Variants in SYTL2 observed in about 807,000 individuals in gnomAD.
SYTL2 encodes the protein synaptotagmin-like protein 2.
Under a neutral mutation model 198.7 loss-of-function variants are expected in SYTL2, and 165 were observed. The ratio of observed to expected loss-of-function variants is 0.83; its 90% CI spans 0.73 to 0.94. The LOEUF is 0.94. Ranked by LOEUF, SYTL2 falls within the 40% of genes least tolerant of loss-of-function variation. The probability of loss-of-function intolerance (pLI) is 0.00; values close to 1 mark genes in which losing one functional copy is unlikely to be tolerated. For synonymous variants in SYTL2, 966 were observed against 917.7 expected (o/e 1.05, Z -0.95); for missense variants, 2,835 against 2,582.8 (o/e 1.10, Z -2.12).
chr11:85,771,937 C>G (rs1022772407), intron 1 of SYTL2, among the ~76,000 whole-genome samples: 11 of 152,076 alleles, frequency 7.2e-5, no homozygotes, highest in Non-Finnish European at 1.0e-4. Context: ...GGATCTTGCT[C>G]TATCACCCAG....
chr11:85,790,716 T>C (rs2092715916), intron 1 of SYTL2, among the ~76,000 whole-genome samples: 1 of 152,188 alleles, frequency 6.6e-6, no homozygotes, highest in Non-Finnish European at 1.5e-5. Flanking sequence ...TCAGGATAAC[T>C]GGGATGTGCC....
chr11:85,727,158 TTCTC>T lies in SYTL2; in HGVS notation c.2196_2199del (p.Lys734AlafsTer3), dbSNP rs753826558. ...ATATAGGTATTTCCTACTTTGCTCTTTCTCTCTGCATTCATGTTATCTTTCAAAC... is the reference window on the plus strand; with the variant it reads ...ATATAGGTATTTCCTACTTTGCTCTTTCTGCATTCATGTTATCTTTCAAAC... On this transcript the variant is annotated frameshift_variant, in exon 8 of 20. Coordinates refer to ENST00000359152, the MANE Select transcript of SYTL2 (RefSeq NM_206927.4). LOFTEE classifies it high-confidence loss of function. 2.7e-5 allele frequency: 41 copies of T among 1,536,470 alleles called. No homozygotes were observed. The South Asian group carries it at 4.6e-4, about 17-fold the overall frequency.
the SYTL2 span, among the ~76,000 whole-genome samples, chr11:85,826,951 C>T: frequency 6.6e-6 from 1 of 152,334 alleles, no homozygotes; most frequent in Non-Finnish European, 1.5e-5. Flanking sequence ...CCTTTGCTCA[C>T]ACCATAACCC....
At chr11:85,751,232 A>T (rs1486118545) in intron 2 of SYTL2, among the ~76,000 whole-genome samples, 4 of 152,196 alleles carry the variant, frequency 2.6e-5, no homozygotes, top group African/African-American at 9.7e-5. Flanking sequence ...TTTAATAATC[A>T]ACTTCTTTTT....
At position 85,705,027 on chromosome 11, in the gene SYTL2, T is replaced by C. The variant is rs1006729097; in HGVS notation, c.6020A>G (p.Tyr2007Cys). Reference protein sequence around the residue: ...LNPVYNEILRYKIEKQILKTQ... With the variant: ...LNPVYNEILRCKIEKQILKTQ... ...CTTTAAGATTTGTTTTTCAATTTTA[T>C]ACTGAAGTTCAAAGAAGAAAATTAA... Residue 2007 changes from tyrosine (Y) to cysteine (C), a missense_variant and splice_region_variant, in exon 16 of 20, where the codon TAT becomes TGT. Tyr to Cys is a radical substitution (Grantham distance 194). Coordinates refer to ENST00000359152, the MANE Select transcript of SYTL2 (RefSeq NM_206927.4). 1 of 1,607,088 alleles carries C rather than the reference T, an allele frequency of 6.2e-7. No individual in the cohort carries two copies. Among genetic ancestry groups the C allele is most frequent in the African/African-American group, 1.3e-5 (1 of 74,860 alleles).
At chr11:85,833,243 T>C in the SYTL2 span, among the ~76,000 whole-genome samples, 1 of 149,376 alleles carries the variant, frequency 6.7e-6, no homozygotes, top group Non-Finnish European at 1.5e-5. Flanking sequence ...ATATAACATA[T>C]TGGGCATCTA....
At chr11:85,811,699 G>A (rs955498690), upstream of SYTL2, among the ~76,000 whole-genome samples, 1 of 152,222 alleles carries the variant, frequency 6.6e-6, no homozygotes, top group Non-Finnish European at 1.5e-5. Context: ...CTAGAGAAAG[G>A]TGAGGGCGTC....
At chr11:85,813,813 C>T (rs1258968263), upstream of SYTL2, among the ~76,000 whole-genome samples, 1 of 151,776 alleles carries the variant, frequency 6.6e-6, no homozygotes. Context: ...GCCTCAACCT[C>T]CCAGGCTCAA....
At position 85,757,740 on chromosome 11, in the gene SYTL2, G is replaced by C. The variant is rs1336279961; in HGVS notation, c.-15C>G. 3.7e-6 allele frequency: 6 copies of C among 1,609,822 alleles called. No homozygotes were observed. The highest frequency in any genetic ancestry group is 5.1e-6 in the Non-Finnish European group (6 of 1,179,764). ...AAGTCAATCATTTTGAAAAGTGCAT[G>C]CAAAAATAATAGCAACAAATGTGGC... On this transcript the variant is annotated 5_prime_UTR_variant, in exon 2 of 20. Transcript: ENST00000359152.
At chr11:85,842,761 T>C in the SYTL2 span, among the ~76,000 whole-genome samples, 1 of 152,126 alleles carries the variant, frequency 6.6e-6, no homozygotes, top group East Asian at 1.9e-4. Context: ...TTTATGGTCT[T>C]AAACAAGGGA....
the SYTL2 span, among the ~76,000 whole-genome samples, chr11:85,851,031 T>C: frequency 1.5e-5 from 1 of 67,876 alleles, no homozygotes; most frequent in South Asian, 6.3e-4. Flanking sequence ...TGTGGTGGGG[T>C]GGGGGGAGGG....
chr11:85,813,728 C>A (rs1045121627), upstream of SYTL2, among the ~76,000 whole-genome samples: 2 of 141,970 alleles, frequency 1.4e-5, no homozygotes, highest in Non-Finnish European at 3.1e-5. Context: ...TCCTTCCTTC[C>A]TTCCTTCCTT....
chr11:85,698,660 TC>T (rs1321313708), intron 17 of SYTL2, among the ~76,000 whole-genome samples: 3 of 152,172 alleles, frequency 2.0e-5, no homozygotes, highest in African/African-American at 7.2e-5. Context: ...ACCTCAGCCC[TC>T]CCAGAGGAGC....
Position 85,724,111 on chromosome 11 carries a change from T to C in SYTL2, c.5247A>G (p.Glu1749=). 6.3e-7 allele frequency: 1 copy of C among 1,586,802 alleles called. No individual in the cohort carries two copies. The highest frequency in any genetic ancestry group is 8.5e-7 in the Non-Finnish European group (1 of 1,172,872). ...ASPYMKQEKE[E]EKEGFSESDF... is the part of the protein sequence containing the mutation. The stretch of plus-strand genomic sequence containing the variant: ...CAGACTCAGAGAAACCTTCTTTTTC[T>C]TCCTCTTTCTCTTGTTTCATATATG... Residue 1749 remains glutamate, a synonymous_variant, in exon 8 of 20, where the codon GAA becomes GAG. Transcript: ENST00000359152.
intron 1 of SYTL2, among the ~76,000 whole-genome samples, chr11:85,767,011 T>A (rs1459420589): frequency 6.6e-6 from 1 of 152,248 alleles, no homozygotes; most frequent in Non-Finnish European, 1.5e-5. Flanking sequence ...TGAACCAAAC[T>A]CTTCAAAGCT....
In SYTL2 at chr11:85,726,950, T is replaced by A. The variant is rs1420390285; in HGVS notation, c.2408A>T (p.Lys803Ile). The A allele has an allele frequency of 2.6e-6, 4 of 1,536,694 alleles. No individual in the cohort carries two copies. In the Admixed American group the frequency reaches 7.8e-5, roughly 30 times the overall value. The stretch of plus-strand genomic sequence containing the variant: ...TTCATGAGTTATCTTAGCACCAGCT[T>A]TCTCTCCTTCCCAAAAGGATATTCT... ...SDRISFWEGE[K>I]AGAKITHEKP... The change falls in exon 8 of 20, where the codon AAA becomes ATA. Residue 803 changes from lysine (K) to isoleucine (I), a missense_variant. This residue lies in a region of SYTL2 where 2,645 missense variants were observed against 2,381.7 expected (regional missense o/e 1.11). Coordinates refer to ENST00000359152, the MANE Select transcript of SYTL2 (RefSeq NM_206927.4).
At chr11:85,832,193 TC>T in the SYTL2 span, among the ~76,000 whole-genome samples, 16 of 152,328 alleles carry the variant, frequency 1.1e-4, 1 homozygote, top group African/African-American at 3.6e-4. Context: ...TGGGCATCTA[TC>T]ATTGCCAGGC....
At chr11:85,730,159 G>A (rs2089649512) in intron 7 of SYTL2, among the ~76,000 whole-genome samples, 1 of 152,256 alleles carries the variant, frequency 6.6e-6, no homozygotes, top group Admixed American at 6.5e-5. Flanking sequence ...AATTCTACCG[G>A]AGGTACAAAG....
intron 19 of SYTL2, 79 bp downstream of exon 19, chr11:85,696,102 AAG>A: frequency 1.7e-6 from 2 of 1,146,176 alleles, no homozygotes; most frequent in Non-Finnish European, 2.6e-6. Context: ...TTTCACTGGG[AAG>A]AAGCAAAGCA....
Sources: gnomAD v4.1 joint callset for allele counts (sites outside exome capture counted in the v4.1 genomes callset) on GRCh38, gnomAD v4.1.1 for gene constraint, gnomAD v4.1.1 regional missense constraint, MANE v1.5 for transcripts, NCBI Gene and HGNC (gene_info 2026-07-23, HGNC 2026-07-21) for gene names.